Variants in FAM193A observed in about 807,000 individuals in gnomAD.
FAM193A encodes family with sequence similarity 193 member A, also known as protein FAM193A.
In FAM193A, 22 loss-of-function variants were observed where a neutral mutation model predicts 126.5. The observed-to-expected ratio is 0.17, with a 90% CI of 0.12 to 0.25. The LOEUF is 0.25. FAM193A is among the 10% of genes least tolerant of loss of function. FAM193A has a pLI of 1.00. For missense variants in FAM193A, 1,675 were observed against 1,672.8 expected, an observed-to-expected ratio of 1.00 and a Z score of -0.02; for synonymous variants, 761 against 646.8, an observed-to-expected ratio of 1.18 and a Z score of -2.68.
At chr4:2,567,674 G>C (rs543667579) in intron 1 of FAM193A, among the ~76,000 whole-genome samples, 1 of 152,196 alleles carries the variant, frequency 6.6e-6, no homozygotes, top group African/African-American at 2.4e-5. Flanking sequence ...TTCATTAACT[G>C]CTGCAGAGTG....
chr4:2,568,973 C>CTTTTTTTTTTTT (rs753557878), intron 1 of FAM193A, among the ~76,000 whole-genome samples: 63 of 90,720 alleles, frequency 6.9e-4, no homozygotes, highest in Non-Finnish European at 8.1e-4. Context: ...TGTTGTTTTG[C>CTTTTTTTTTTTT]TTTTTTTTTT....
intron 7 of FAM193A, among the ~76,000 whole-genome samples, chr4:2,656,510 G>C (rs1013436006): frequency 7.9e-4 from 121 of 152,328 alleles, no homozygotes; most frequent in Admixed American, 7.8e-3. Context: ...CGGCCCCAGC[G>C]TTCCTGTGGT....
At chr4:2,710,178 T>TTTTTTTTTTTTTTTTTTTC (rs1718775572) in intron 19 of FAM193A, among the ~76,000 whole-genome samples, 17 of 92,194 alleles carry the variant, frequency 1.8e-4, no homozygotes, top group East Asian at 5.9e-4. Flanking sequence ...TTTTTTTTTC[T>TTTTTTTTTTTTTTTTTTTC]TTTTTTTTTT....
rs1285153315 is a variant in FAM193A, at chr4:2,537,888, A to AT, written c.255+725dup. 5.3e-5 allele frequency among the ~76,000 whole-genome samples: 8 copies of AT among 152,156 alleles called. No individual in the cohort carries two copies. In the East Asian group the frequency reaches 7.7e-4, roughly 15 times the overall value. On this transcript the variant is annotated intron_variant, in intron 1 of 20. Transcript: ENST00000637812. ...TCGAACTTAAGGAATTTGAAAGGTG[A>AT]TTTTTTTCAGTTTTGTTTATGAAGA...
intron 4 of FAM193A, among the ~76,000 whole-genome samples, chr4:2,629,543 C>T (rs762454031): frequency 2.1e-4 from 32 of 152,114 alleles, no homozygotes; most frequent in Non-Finnish European, 3.8e-4. Flanking sequence ...TCTTTTATAG[C>T]CTAGGTAATA....
At chr4:2,643,175 G>A (rs1293044824) in intron 6 of FAM193A, among the ~76,000 whole-genome samples, 2 of 152,140 alleles carry the variant, frequency 1.3e-5, no homozygotes, top group African/African-American at 2.4e-5. Context: ...GCCAGGACAC[G>A]CCATGCCTTT....
At chr4:2,649,210 C>CA (rs1261912210) in intron 7 of FAM193A, among the ~76,000 whole-genome samples, 1 of 151,092 alleles carries the variant, frequency 6.6e-6, no homozygotes. Flanking sequence ...CTTGTCTCTA[C>CA]AAAAAATTAA....
intron 20 of FAM193A, among the ~76,000 whole-genome samples, chr4:2,728,747 G>T (rs1402961716): frequency 7.2e-5 from 11 of 152,016 alleles, no homozygotes; most frequent in African/African-American, 2.2e-4. Context: ...TATGATAGGG[G>T]TTTTTTGTTG....
At chr4:2,597,890 C>T (rs1055357968) in intron 2 of FAM193A, among the ~76,000 whole-genome samples, 1 of 152,112 alleles carries the variant, frequency 6.6e-6, no homozygotes, top group Non-Finnish European at 1.5e-5. Context: ...CCGTCCTAGC[C>T]TCTGGTAACC....
chr4:2,729,344 A>AGT (rs1721119270), intron 20 of FAM193A, among the ~76,000 whole-genome samples: 1 of 152,158 alleles, frequency 6.6e-6, no homozygotes, highest in African/African-American at 2.4e-5. Context: ...CTAGCAGGCC[A>AGT]GTGTGTGTGC....
chr4:2,584,107 T>G (rs1048609190), intron 1 of FAM193A, among the ~76,000 whole-genome samples: 2 of 152,220 alleles, frequency 1.3e-5, no homozygotes, highest in African/African-American at 4.8e-5. Context: ...TATATAGGTC[T>G]GTGATCTATT....
intron 14 of FAM193A, among the ~76,000 whole-genome samples, chr4:2,689,976 C>G (rs1716176251): frequency 6.6e-6 from 1 of 152,236 alleles, no homozygotes; most frequent in African/African-American, 2.4e-5. Context: ...GGCCTCAGCG[C>G]TGCTGAGGGT....
At chr4:2,719,943 C>T (rs56186950) in intron 20 of FAM193A, 13,932 of 310,198 alleles carry the variant, frequency 0.045, 654 homozygotes, top group African/African-American at 0.15. Context: ...GGCACATGCA[C>T]CATGCCTGGC....
chr4:2,569,391 A>G (rs1367220177), intron 1 of FAM193A, among the ~76,000 whole-genome samples: 1 of 152,232 alleles, frequency 6.6e-6, no homozygotes, highest in Admixed American at 6.5e-5. Context: ...TTTAGCAGTA[A>G]TACAAAAGCA....
At chr4:2,636,306 G>A (rs772637211) in intron 5 of FAM193A, among the ~76,000 whole-genome samples, 20 of 151,880 alleles carry the variant, frequency 1.3e-4, no homozygotes, top group Non-Finnish European at 2.9e-5. Context: ...CTCGTGATTC[G>A]CCTGCCTTAG....
At chr4:2,591,157 G>T (rs1740549477) in intron 1 of FAM193A, among the ~76,000 whole-genome samples, 1 of 152,134 alleles carries the variant, frequency 6.6e-6, no homozygotes, top group Admixed American at 6.5e-5. Flanking sequence ...TTGAAGGGAT[G>T]CCTCGCAGTT....
intron 19 of FAM193A, among the ~76,000 whole-genome samples, chr4:2,703,499 G>A (rs1047089595): frequency 2.0e-5 from 3 of 152,108 alleles, no homozygotes; most frequent in Non-Finnish European, 4.4e-5. Context: ...TGCCCACCTT[G>A]GCCTCCCAAA....
chr4:2,601,976 C>G lies in FAM193A; in HGVS notation c.501+5647C>G, dbSNP rs781743883. 1.5e-3 allele frequency among the ~76,000 whole-genome samples: 230 copies of G among 151,896 alleles called. 2 individuals are homozygous for G. The highest frequency in any genetic ancestry group is 2.7e-3 in the South Asian group (13 of 4,810). On this transcript the variant is annotated intron_variant, in intron 2 of 20. Coordinates refer to ENST00000637812, the MANE Select transcript of FAM193A (RefSeq NM_001366318.2). ...GCCTCAGTCTCCTGGGTAGCTGGGA[C>G]TACAGGCATGTACCACCGTGCCCAG...
chr4:2,634,881 C>A, intron 5 of FAM193A, among the ~76,000 whole-genome samples: 1 of 152,180 alleles, frequency 6.6e-6, no homozygotes, highest in East Asian at 1.9e-4. Context: ...TGGGTAGAGA[C>A]TACAATGAAT....
Sources: allele counts gnomAD v4.1 joint callset (sites outside exome capture counted in the v4.1 genomes callset), GRCh38; gene constraint gnomAD v4.1.1; transcripts MANE v1.5; gene names NCBI Gene and HGNC (gene_info 2026-07-23, HGNC 2026-07-21).